Variants in LIMCH1 observed in about 807,000 individuals in gnomAD.
LIMCH1 encodes LIM and calponin homology domains 1, also known as LIM and calponin homology domains-containing protein 1.
LIMCH1 carries 113 observed loss-of-function variants against 176.5 expected under a neutral mutation model. The observed-to-expected ratio is 0.64, with a 90% CI of 0.55 to 0.75. The LOEUF is 0.75. Ranked by LOEUF, LIMCH1 falls within the 30% of genes least tolerant of loss-of-function variation. The probability of loss-of-function intolerance (pLI) is 0.00; values close to 1 mark genes in which losing one functional copy is unlikely to be tolerated. For synonymous variants in LIMCH1, 619 were observed against 645.9 expected, an observed-to-expected ratio of 0.96 and a Z score of 0.63; for missense variants, 1,674 against 1,814.9, an observed-to-expected ratio of 0.92 and a Z score of 1.41.
chr4:41,520,483 A>C (rs1421359600), intron 2 of LIMCH1, among the ~76,000 whole-genome samples: 1 of 152,064 alleles, frequency 6.6e-6, no homozygotes, highest in Non-Finnish European at 1.5e-5. Context: ...CTTGTGTGCT[A>C]TCTGAAATTT....
intron 8 of LIMCH1, among the ~76,000 whole-genome samples, 200 bp from the exon 9 acceptor site, chr4:41,629,292 A>G (rs750509381): frequency 1.9e-4 from 29 of 152,200 alleles, no homozygotes; most frequent in Admixed American, 3.3e-4. Flanking sequence ...CCTCTGTCTC[A>G]TTCAGAGTTG....
At chr4:41,400,060 C>T (rs755690430) in intron 1 of LIMCH1, among the ~76,000 whole-genome samples, 107 of 150,662 alleles carry the variant, frequency 7.1e-4, no homozygotes, top group Non-Finnish European at 1.2e-3. Flanking sequence ...AGAGAGATTA[C>T]ATTTCCTAAA....
At chr4:41,574,156 TA>T (rs1584327056) in intron 1 of LIMCH1, among the ~76,000 whole-genome samples, 1 of 151,742 alleles carries the variant, frequency 6.6e-6, no homozygotes, top group East Asian at 1.9e-4. Context: ...GGTCATCAAG[TA>T]AAAGTCTCAG....
chr4:41,381,870 T>C (rs2055723675), intron 1 of LIMCH1, among the ~76,000 whole-genome samples: 1 of 152,118 alleles, frequency 6.6e-6, no homozygotes. Context: ...GGTTGGATCA[T>C]TGTGTTTTGG....
chr4:41,540,822 G>A (rs139375763), intron 1 of LIMCH1, among the ~76,000 whole-genome samples: 1 of 152,358 alleles, frequency 6.6e-6, no homozygotes, highest in Non-Finnish European at 1.5e-5. Context: ...ACCATATTCA[G>A]TGTTGAAACA....
At chr4:41,549,554 C>T (rs926592183) in intron 1 of LIMCH1, among the ~76,000 whole-genome samples, 8 of 152,052 alleles carry the variant, frequency 5.3e-5, no homozygotes, top group African/African-American at 1.9e-4. Context: ...TAATAGTACC[C>T]TCACTTAAAA....
chr4:41,564,730 C>A (rs2082489517), intron 1 of LIMCH1, among the ~76,000 whole-genome samples: 1 of 152,096 alleles, frequency 6.6e-6, no homozygotes, highest in Non-Finnish European at 1.5e-5. Context: ...CTCTGTATCC[C>A]CACCCAAATC....
At chr4:41,620,779 T>A in intron 7 of LIMCH1, 89 bp downstream of exon 7, 1 of 1,379,268 alleles carries the variant, frequency 7.3e-7, no homozygotes, top group East Asian at 2.5e-5. Flanking sequence ...TTTCATCTGA[T>A]TTTTCCACTT....
intron 14 of LIMCH1, among the ~76,000 whole-genome samples, chr4:41,642,498 C>T (rs2093865304): frequency 6.6e-6 from 1 of 151,952 alleles, no homozygotes; most frequent in Admixed American, 6.6e-5. Flanking sequence ...GATGAAAAAT[C>T]ACAGCCCTTC....
Position 41,425,974 on chromosome 4 carries a change from A to G in LIMCH1, c.96+65038A>G, listed in dbSNP as rs193166571. On this transcript the variant is annotated intron_variant, in intron 1 of 26. Transcript: ENST00000313860. ...ATGCATGTGAGTGGTTTTGATTTGA[A>G]ACTAAGGATGCTAACTATGAAATCT... 8.6e-5 allele frequency among the ~76,000 whole-genome samples: 13 copies of G among 151,794 alleles called. No homozygotes were observed. The East Asian group carries it at 2.3e-3, about 27-fold the overall frequency.
At chr4:41,690,424 T>C (rs1236225448) in intron 30 of LIMCH1, among the ~76,000 whole-genome samples, 2 of 152,232 alleles carry the variant, frequency 1.3e-5, no homozygotes, top group African/African-American at 2.4e-5. Context: ...TTATACCTGA[T>C]TTATTATGAA....
At chr4:41,393,910 C>T (rs2057530238) in intron 1 of LIMCH1, among the ~76,000 whole-genome samples, 2 of 152,198 alleles carry the variant, frequency 1.3e-5, no homozygotes, top group Non-Finnish European at 2.9e-5. Context: ...AAATGGAACC[C>T]TTTCAATTGA....
Position 41,662,841 on chromosome 4 carries a change from A to C in LIMCH1, c.3148A>C (p.Thr1050Pro), listed in dbSNP as rs1219272567. Reference sequence around the variant, plus strand: ...TGCAGAACCACAGCATTTTACAACAACTGTGACTCGATGCAGCCCGACCGT... The same window carrying C: ...TGCAGAACCACAGCATTTTACAACACCTGTGACTCGATGCAGCCCGACCGT... Reference protein sequence around the residue: ...ASSEPQHFTTTVTRCSPTVAF... With the variant: ...ASSEPQHFTTPVTRCSPTVAF... The change falls in exon 20 of 32, where the codon ACT becomes CCT. Residue 1050 changes from threonine to proline, a missense_variant. Physicochemically the swap from Thr to Pro is conservative, Grantham distance 38. Transcript: ENST00000503057. 1 of 1,614,010 alleles carries C rather than the reference A, an allele frequency of 6.2e-7. No homozygotes were observed. Among genetic ancestry groups the C allele is most frequent in the East Asian group, 2.2e-5 (1 of 44,876 alleles).
intron 1 of LIMCH1, among the ~76,000 whole-genome samples, chr4:41,492,040 G>A (rs2071158236): frequency 6.6e-6 from 1 of 152,234 alleles, no homozygotes; most frequent in African/African-American, 2.4e-5. Context: ...ACTTTGGGAG[G>A]CCAAGGCAGG....
chr4:41,382,235 T>C (rs2055788702), intron 1 of LIMCH1, among the ~76,000 whole-genome samples: 1 of 152,128 alleles, frequency 6.6e-6, no homozygotes, highest in African/African-American at 2.4e-5. Context: ...AACTGGACAA[T>C]TGGAAGTAGT....
intron 1 of LIMCH1, among the ~76,000 whole-genome samples, chr4:41,493,968 C>G (rs2071560085): frequency 6.6e-6 from 1 of 152,178 alleles, no homozygotes; most frequent in African/African-American, 2.4e-5. Context: ...CCCTCAGTCC[C>G]TGGAGGTTTC....
chr4:41,656,753 C>A (rs1411408285), intron 18 of LIMCH1, among the ~76,000 whole-genome samples: 1 of 152,090 alleles, frequency 6.6e-6, no homozygotes, highest in Non-Finnish European at 1.5e-5. Flanking sequence ...AAGACGAGAG[C>A]CAGGAAATCG....
intron 1 of LIMCH1, among the ~76,000 whole-genome samples, chr4:41,379,132 T>G (rs1323695080): frequency 6.6e-6 from 1 of 152,218 alleles, no homozygotes; most frequent in Admixed American, 6.5e-5. Flanking sequence ...AATTTGGGAA[T>G]GATTAGTTAG....
chr4:41,536,008 CCTCA>C (rs2077899629), upstream of LIMCH1, among the ~76,000 whole-genome samples: 1 of 152,128 alleles, frequency 6.6e-6, no homozygotes, highest in South Asian at 2.1e-4. Context: ...TACATCAGTT[CCTCA>C]CTTTTTTCCC....
Sources: gnomAD v4.1 joint callset for allele counts (sites outside exome capture counted in the v4.1 genomes callset) on GRCh38, gnomAD v4.1.1 for gene constraint, MANE v1.5 for transcripts, NCBI Gene and HGNC (gene_info 2026-07-23, HGNC 2026-07-21) for gene names.